GLRA2: variants seen among roughly 807,000 people sequenced by gnomAD.
GLRA2 encodes glycine receptor alpha 2, also known as glycine receptor subunit alpha-2.
GLRA2 carries 11 observed loss-of-function variants against 31.6 expected under a neutral mutation model. That is an observed-to-expected ratio of 0.35 (90% CI 0.22 to 0.58). The LOEUF is 0.58. Among genes scored for constraint, GLRA2 ranks in the 20% least tolerant of loss-of-function variants. GLRA2 has a pLI of 0.84. For missense variants in GLRA2, 212 were observed against 351.8 expected (o/e 0.60, Z 3.18); for synonymous variants, 132 against 134.0 (o/e 0.99, Z 0.10).
At chrX:14,641,334 T>G (rs2090770759) in intron 7 of GLRA2, among the ~76,000 whole-genome samples, 1 of 111,710 alleles carries the variant, frequency 9.0e-6, no homozygotes, top group African/African-American at 3.3e-5. Context: ...TTTGCCTTTT[T>G]TGAAATTCTC....
At chrX:14,614,600 A>T (rs1267838727) in intron 7 of GLRA2, among the ~76,000 whole-genome samples, 1 of 112,101 alleles carries the variant, frequency 8.9e-6, no homozygotes, top group Non-Finnish European at 1.9e-5. Flanking sequence ...CCAACTGCTA[A>T]TCTTTCTGCT....
At chrX:14,469,339 T>C in the GLRA2 span, among the ~76,000 whole-genome samples, 3 of 111,270 alleles carry the variant, frequency 2.7e-5, no homozygotes, top group Non-Finnish European at 5.7e-5. Flanking sequence ...AATTAATTTT[T>C]GTATAAGGTG....
intron 7 of GLRA2, among the ~76,000 whole-genome samples, chrX:14,676,188 A>G (rs967397931): frequency 2.7e-5 from 3 of 112,660 alleles, no homozygotes; most frequent in African/African-American, 6.5e-5. Context: ...TGCTTTACCA[A>G]TAGTTTTCAG....
chrX:14,725,249 AAGG>A (rs886712227), intron 8 of GLRA2, among the ~76,000 whole-genome samples: 1 of 111,895 alleles, frequency 8.9e-6, no homozygotes. Flanking sequence ...CCATGATACA[AAGG>A]AGGAAATTGA....
At chrX:14,519,077 A>G in the GLRA2 span, among the ~76,000 whole-genome samples, 1 of 106,857 alleles carries the variant, frequency 9.4e-6, no homozygotes, top group Non-Finnish European at 1.9e-5. Context: ...ATTCAGAAGT[A>G]TTGGTGATTT....
chrX:14,634,979 AATT>A (rs1399268597), intron 7 of GLRA2, among the ~76,000 whole-genome samples: 1 of 112,019 alleles, frequency 8.9e-6, no homozygotes, highest in Admixed American at 9.6e-5. Flanking sequence ...TCAAAAGGTT[AATT>A]AAGTGAATTA....
intron 8 of GLRA2, among the ~76,000 whole-genome samples, chrX:14,709,231 C>A (rs888161872): frequency 3.6e-5 from 4 of 110,990 alleles, no homozygotes; most frequent in African/African-American, 1.3e-4. Flanking sequence ...AAGACCCTGT[C>A]TCTTTAAAAA....
chrX:14,502,753 A>T, the GLRA2 span, among the ~76,000 whole-genome samples: 1 of 110,912 alleles, frequency 9.0e-6, no homozygotes, highest in African/African-American at 3.3e-5. Context: ...ACCTGAACAA[A>T]GCTTGTCTAA....
chrX:14,696,437 G>T (rs2091448165), intron 8 of GLRA2, among the ~76,000 whole-genome samples: 1 of 111,694 alleles, frequency 9.0e-6, no homozygotes. Flanking sequence ...TGTGACTAAG[G>T]TTGGGTTGAG....
chrX:14,582,279 G>T (rs749347326), intron 4 of GLRA2, among the ~76,000 whole-genome samples: 1 of 98,034 alleles, frequency 1.0e-5, no homozygotes, highest in Non-Finnish European at 2.0e-5. Context: ...ATGTGTTCTC[G>T]TTGTTTAATT....
intron 4 of GLRA2, among the ~76,000 whole-genome samples, chrX:14,590,275 T>C (rs3027360): frequency 0.027 from 3,017 of 110,897 alleles, 106 homozygotes; most frequent in African/African-American, 0.093. Flanking sequence ...TTGACACGCT[T>C]TTCCCTCTGA....
intron 8 of GLRA2, among the ~76,000 whole-genome samples, chrX:14,724,119 CTG>C: frequency 9.0e-6 from 1 of 111,504 alleles, no homozygotes; most frequent in South Asian, 3.7e-4. Flanking sequence ...CCATCATTAT[CTG>C]TGTGTGTCTT....
the GLRA2 span, among the ~76,000 whole-genome samples, chrX:14,463,359 T>G: frequency 9.0e-6 from 1 of 111,619 alleles, no homozygotes; most frequent in Non-Finnish European, 1.9e-5. Flanking sequence ...TATGCCATGC[T>G]GGGAGAACCA....
the GLRA2 span, among the ~76,000 whole-genome samples, chrX:14,519,378 T>G: frequency 9.0e-6 from 1 of 111,612 alleles, no homozygotes; most frequent in East Asian, 2.8e-4. Flanking sequence ...TTTATATAGG[T>G]TTCACACAGC....
At chrX:14,701,179 G>A (rs774067210) in intron 8 of GLRA2, among the ~76,000 whole-genome samples, 2 of 110,896 alleles carry the variant, frequency 1.8e-5, no homozygotes, top group South Asian at 7.8e-4. Flanking sequence ...TTTGTGAATT[G>A]CGAAATACAT....
At chrX:14,524,001 A>T in the GLRA2 span, among the ~76,000 whole-genome samples, 29 of 112,103 alleles carry the variant, frequency 2.6e-4, no homozygotes, top group Non-Finnish European at 4.9e-4. Context: ...TTTTATCATG[A>T]GATTGCAGCA....
At chrX:14,658,694 C>A (rs1164128004) in intron 7 of GLRA2, among the ~76,000 whole-genome samples, 1 of 111,873 alleles carries the variant, frequency 8.9e-6, no homozygotes, top group Non-Finnish European at 1.9e-5. Context: ...CTTCTTCACA[C>A]TGGCAGTTCT....
At chrX:14,653,849 G>GCA (rs2090913555) in intron 7 of GLRA2, among the ~76,000 whole-genome samples, 1 of 112,400 alleles carries the variant, frequency 8.9e-6, no homozygotes. Flanking sequence ...TGCCAGCTGG[G>GCA]CACAGTGGCT....
At chrX:14,484,715 A>G in the GLRA2 span, among the ~76,000 whole-genome samples, 24 of 111,666 alleles carry the variant, frequency 2.1e-4, no homozygotes, top group Non-Finnish European at 4.3e-4. Context: ...GTGGACTTAG[A>G]TGTATAGAGG....
Sources: allele counts gnomAD v4.1 joint callset (sites outside exome capture counted in the v4.1 genomes callset), GRCh38; gene constraint gnomAD v4.1.1; transcripts MANE v1.5; gene names NCBI Gene and HGNC (gene_info 2026-07-23, HGNC 2026-07-21).